Variants in SAFB2 observed in about 807,000 individuals in gnomAD.
SAFB2 encodes scaffold attachment factor B2.
SAFB2 carries 32 observed loss-of-function variants against 100.6 expected under a neutral mutation model. The ratio of observed to expected loss-of-function variants is 0.32; its 90% CI spans 0.24 to 0.43. The LOEUF is 0.43. SAFB2 is among the 20% of genes least tolerant of loss of function. The probability of loss-of-function intolerance (pLI) is 1.00; values close to 1 mark genes in which losing one functional copy is unlikely to be tolerated. For synonymous variants in SAFB2, 500 were observed against 439.4 expected, an observed-to-expected ratio of 1.14 and a Z score of -1.72; for missense variants, 1,185 against 1,163.4, an observed-to-expected ratio of 1.02 and a Z score of -0.27.
chr19:5,614,409 T>C (rs922322176), intron 4 of SAFB2, among the ~76,000 whole-genome samples: 13 of 152,214 alleles, frequency 8.5e-5, no homozygotes, highest in African/African-American at 3.1e-4. Context: ...TATTTTCTTT[T>C]TTCCTTTTCT....
intron 9 of SAFB2, 65 bp downstream of exon 9, chr19:5,609,930 G>A: frequency 7.2e-7 from 1 of 1,382,466 alleles, no homozygotes; most frequent in Non-Finnish European, 1.0e-6. Flanking sequence ...GAACCACCGT[G>A]CCCAGCAGAG....
chr19:5,593,802 G>A (rs2052469923), intron 15 of SAFB2, 89 bp downstream of exon 15: 3 of 1,298,198 alleles, frequency 2.3e-6, no homozygotes, highest in South Asian at 1.7e-5. Context: ...CCACCGACAG[G>A]GACGGAAGGG....
chr19:5,587,593 CTT>C lies in SAFB2; in HGVS notation c.2705+106_2705+107del, dbSNP rs2052284767. ...ATAAATTGCAAAGAGCTGCTTTTTGCTTTGTTTTCATAACATCCAACCCAGCC... is the reference window on the plus strand; with the variant it reads ...ATAAATTGCAAAGAGCTGCTTTTTGCTGTTTTCATAACATCCAACCCAGCC... On this transcript the variant is annotated intron_variant, in intron 20 of 20. Coordinates refer to ENST00000252542, the MANE Select transcript of SAFB2 (RefSeq NM_014649.3). This position sits in a 1 kb window ranked among gnomAD's most constrained non-coding sequence, Gnocchi z 4.9. 10 of 1,456,944 alleles carry C rather than the reference CTT, an allele frequency of 6.9e-6. No individual in the cohort carries two copies. In the South Asian group the frequency reaches 9.9e-5, roughly 14 times the overall value. 90.3% of individuals were successfully genotyped at this position (1,456,944 alleles called of 1,614,324 possible). A position where few individuals can be genotyped will look rare whatever the true frequency, so the allele number is the denominator to read the frequency against.
At chr19:5,607,948 C>T (rs917665625) in intron 9 of SAFB2, among the ~76,000 whole-genome samples, 9 of 152,242 alleles carry the variant, frequency 5.9e-5, no homozygotes, top group African/African-American at 2.2e-4. Flanking sequence ...TGCCACTTCC[C>T]ATTCTACCTT....
At chr19:5,607,183 C>G (rs952049434) in intron 9 of SAFB2, among the ~76,000 whole-genome samples, 1 of 152,154 alleles carries the variant, frequency 6.6e-6, no homozygotes, top group Non-Finnish European at 1.5e-5. Context: ...ATGGCATGAA[C>G]CCAGGAGGCA....
intron 18 of SAFB2, among the ~76,000 whole-genome samples, chr19:5,588,720 G>A (rs2052320882): frequency 6.6e-6 from 1 of 152,136 alleles, no homozygotes; most frequent in South Asian, 2.1e-4. Flanking sequence ...GGGCAGGGGG[G>A]AGGGTGCAGC....
In SAFB2 at chr19:5,590,385, G is replaced by A; in HGVS notation, c.2418C>T (p.Gly806=). Residue 806 remains glycine, a synonymous_variant, in exon 18 of 21, where the codon GGC becomes GGT. Transcript: ENST00000252542. ...DGQHYGDDRH[G]HGGPPERHGR... The stretch of plus-strand genomic sequence containing the variant: ...CGTGGCGCTCTGGGGGTCCTCCGTG[G>A]CCATGGCGGTCATCTCCATAGTGCT... 1 of 1,611,098 alleles carries A rather than the reference G, an allele frequency of 6.2e-7. No homozygotes were observed. Among genetic ancestry groups the A allele is most frequent in the Non-Finnish European group, 8.5e-7 (1 of 1,178,910 alleles).
chr19:5,606,382 T>C (rs2052775348), intron 9 of SAFB2, among the ~76,000 whole-genome samples: 1 of 152,224 alleles, frequency 6.6e-6, no homozygotes, highest in Non-Finnish European at 1.5e-5. Flanking sequence ...TCCCAGCACT[T>C]TGTGAGGCCA....
intron 17 of SAFB2, among the ~76,000 whole-genome samples, chr19:5,590,915 C>T (rs1363289952): frequency 1.3e-5 from 2 of 152,218 alleles, no homozygotes; most frequent in Non-Finnish European, 2.9e-5. Context: ...ACCTCTCCAC[C>T]AGGCTGCTGC....
At position 5,594,074 on chromosome 19, in the gene SAFB2, T is replaced by C. The variant is rs1433360633; in HGVS notation, c.2024A>G (p.Gln675Arg). The change falls in exon 15 of 21, where the codon CAG becomes CGG. Residue 675 changes from glutamine to arginine, a missense_variant. By Grantham distance (43) the Gln-to-Arg change is conservative. Around this residue, in one of 3 missense-constraint regions of SAFB2, gnomAD observed 740 missense variants for 687.1 expected, o/e 1.08. Coordinates refer to ENST00000252542, the MANE Select transcript of SAFB2 (RefSeq NM_014649.3). ...CTCCATGCGCTCCCGCTCCAGCCGC[T>C]GGCGCTGGCACTCGAGCTGCAGGCG... ...RERLQLECQR[Q>R]RLERERMERE... 5 of 1,595,190 alleles carry C rather than the reference T, an allele frequency of 3.1e-6. No individual in the cohort carries two copies. Among genetic ancestry groups the C allele is most frequent in the African/African-American group, 2.7e-5 (2 of 74,724 alleles).
rs1198902411 is a variant in SAFB2 at position 5,621,724 on chromosome 19, G to A, written c.187-328C>T. On this transcript the variant is annotated intron_variant, in intron 1 of 20. Transcript: ENST00000252542. ...ATGATGGGACAAATTAGAACAGAGAGGCTGCACTTGGCCCGGCCTCGGTGA... is the reference window on the plus strand; with the variant it reads ...ATGATGGGACAAATTAGAACAGAGAAGCTGCACTTGGCCCGGCCTCGGTGA... 5.3e-5 allele frequency among the ~76,000 whole-genome samples: 8 copies of A among 152,232 alleles called. No homozygotes were observed. The South Asian group carries it at 1.7e-3, about 31-fold the overall frequency.
At chr19:5,617,975 C>T (rs1264607965) in intron 2 of SAFB2, among the ~76,000 whole-genome samples, 3 of 152,088 alleles carry the variant, frequency 2.0e-5, no homozygotes, top group Non-Finnish European at 4.4e-5. Flanking sequence ...AGACCCCCAT[C>T]TCCACCAAAA....
rs1450982563 is a variant in SAFB2, at chr19:5,616,256, G to A, written c.419C>T (p.Ala140Val). 4 of 1,614,060 alleles carry A rather than the reference G, an allele frequency of 2.5e-6. No individual in the cohort carries two copies. The highest frequency in any genetic ancestry group is 1.3e-5 in the African/African-American group (1 of 74,998). The change falls in exon 4 of 21, where the codon GCG (alanine) becomes GTG (valine). Residue 140 changes from alanine to valine, a missense_variant. Ala to Val is a moderately conservative substitution (Grantham distance 64). Transcript: ENST00000252542. Reference sequence around the variant, plus strand: ...CCCAAAATCTGGAGCACTGCTATTCGCCACTTCAGTTTCGTCTAGCACACT... The same window carrying A: ...CCCAAAATCTGGAGCACTGCTATTCACCACTTCAGTTTCGTCTAGCACACT... Reference protein sequence around the residue: ...DMSVLDETEVANSSAPDFGED... With the variant: ...DMSVLDETEVVNSSAPDFGED...
chr19:5,594,318 G>T, intron 14 of SAFB2, 140 bp from the exon 15 acceptor site: 1 of 996,974 alleles, frequency 1.0e-6, no homozygotes, highest in Non-Finnish European at 1.4e-6. Context: ...AAAGCTGCGC[G>T]TGCAGGGGGT....
Position 5,593,925 on chromosome 19 carries a change from G to A in SAFB2, c.2173C>T (p.Arg725Trp), listed in dbSNP as rs759936375. The A allele has an allele frequency of 1.2e-5, 18 of 1,538,190 alleles. No homozygotes were observed. The highest frequency in any genetic ancestry group is 1.4e-5 in the African/African-American group (1 of 71,928). The change falls in exon 15 of 21, where the codon CGG becomes TGG. Residue 725 changes from arginine (R) to tryptophan (W), a missense_variant. Transcript: ENST00000252542. ...TCGTAGGGCCTCCGCCCGGGCCGCC[G>A]CTCCTGCTCGTAACGCAGCTGCTCC... Reference protein sequence around the residue: ...QQEQLRYEQERRPGRRPYDLD... With the variant: ...QQEQLRYEQEWRPGRRPYDLD...
chr19:5,587,122 G>C lies in SAFB2; in HGVS notation c.*121C>G. On this transcript the variant is annotated 3_prime_UTR_variant, in exon 21 of 21. Coordinates refer to ENST00000252542, the MANE Select transcript of SAFB2 (RefSeq NM_014649.3). The surrounding 1 kb of genome is among the most constrained non-coding windows in gnomAD (Gnocchi z 4.9). ...AAAAAAAGTGAGTTCACATTGTATT[G>C]AGCTACAACATGGTGGCAGGATTTA... 3 of 1,254,788 alleles carry C rather than the reference G, an allele frequency of 2.4e-6. No individual in the cohort carries two copies. The highest frequency in any genetic ancestry group is 3.4e-6 in the Non-Finnish European group (3 of 895,432). 77.7% of individuals were successfully genotyped at this position (1,254,788 alleles called of 1,614,324 possible). A position where few individuals can be genotyped will look rare whatever the true frequency, so the allele number is the denominator to read the frequency against.
chr19:5,620,221 A>C (rs1159809881), intron 2 of SAFB2, among the ~76,000 whole-genome samples: 1 of 152,166 alleles, frequency 6.6e-6, no homozygotes, highest in African/African-American at 2.4e-5. Context: ...CTACATGCAC[A>C]TGTTTTAAAC....
rs534905578 is a variant in SAFB2, at chr19:5,614,713, C to G, written c.544-1186G>C. ...TACAATGAAGATCAGCTCGAAGACA[C>G]TGACAGCTTGTGATATTTGAACAGC... is the stretch of plus-strand genomic sequence containing the variant. On this transcript the variant is annotated intron_variant, in intron 4 of 20. Coordinates refer to ENST00000252542, the MANE Select transcript of SAFB2 (RefSeq NM_014649.3). Among the ~76,000 whole-genome samples, 13 of 152,342 alleles carry G rather than the reference C, an allele frequency of 8.5e-5. No individual in the cohort carries two copies. In the South Asian group the frequency reaches 2.3e-3, roughly 27 times the overall value.
intron 11 of SAFB2, among the ~76,000 whole-genome samples, chr19:5,601,367 G>A (rs1244339436): frequency 6.6e-6 from 1 of 152,050 alleles, no homozygotes; most frequent in East Asian, 1.9e-4. Context: ...CACGAACGAG[G>A]CCATACTTCA....
Sources: gnomAD v4.1 joint callset for allele counts (sites outside exome capture counted in the v4.1 genomes callset) on GRCh38, gnomAD v4.1.1 for gene constraint, gnomAD v4.1.1 regional missense constraint, Gnocchi (gnomAD v3.1) non-coding constraint, MANE v1.5 for transcripts, NCBI Gene and HGNC (gene_info 2026-07-23, HGNC 2026-07-21) for gene names.